The following NFRKB variants were observed in gnomAD, a reference collection of about 807,000 sequenced individuals.
The protein encoded by NFRKB is nuclear factor related to kappa-B-binding protein.
In NFRKB, 62 loss-of-function variants were observed where a neutral mutation model predicts 135.7. The observed-to-expected ratio is 0.46, with a 90% CI of 0.37 to 0.56. NFRKB has a LOEUF of 0.56. Ranked by LOEUF, NFRKB falls within the 20% of genes least tolerant of loss-of-function variation. The pLI, the probability that NFRKB is intolerant of heterozygous loss-of-function variation, is 0.00. For missense variants in NFRKB, 1,545 were observed against 1,662.0 expected, an observed-to-expected ratio of 0.93 and a Z score of 1.22; for synonymous variants, 678 against 635.6, an observed-to-expected ratio of 1.07 and a Z score of -1.00.
chr11:129,872,409 C>G (rs58193479), intron 23 of NFRKB, among the ~76,000 whole-genome samples: 1 of 152,302 alleles, frequency 6.6e-6, no homozygotes, highest in African/African-American at 2.4e-5. Context: ...GAAGATTAGA[C>G]TATTTAACAA....
intron 1 of NFRKB, among the ~76,000 whole-genome samples, chr11:129,894,873 A>G (rs532908495): frequency 6.6e-5 from 10 of 152,380 alleles, no homozygotes; most frequent in Admixed American, 1.3e-4. Flanking sequence ...TCAACTGCAA[A>G]GTCAGTGTCC....
chr11:129,893,140 G>C, intron 2 of NFRKB: 2 of 1,188,692 alleles, frequency 1.7e-6, no homozygotes, highest in Non-Finnish European at 2.2e-6. Flanking sequence ...TTTTACAGAT[G>C]AGTAAAATGA....
intron 23 of NFRKB, among the ~76,000 whole-genome samples, chr11:129,872,176 CATTT>C (rs1948542231): frequency 6.6e-6 from 1 of 152,196 alleles, no homozygotes; most frequent in South Asian, 2.1e-4. Flanking sequence ...ATTAGCATAG[CATTT>C]ATTACTATCT....
Position 129,872,885 on chromosome 11 carries a change from T to C in NFRKB, c.2762A>G (p.Gln921Arg), listed in dbSNP as rs1948581193. Residue 921 changes from glutamine (Q) to arginine (R), a missense_variant and splice_region_variant, in exon 23 of 27, where the codon CAG becomes CGG. By Grantham distance (43) the Gln-to-Arg change is conservative (BLOSUM62 1). Around this residue, in one of 3 missense-constraint regions of NFRKB, gnomAD observed 753 missense variants for 804.3 expected, o/e 0.94. Coordinates refer to ENST00000682444, the MANE Select transcript of NFRKB (RefSeq NM_001143835.2). ...CCACGTGGAAAGAGCCCCACCTACCTGCTTGATGATGTTCTGTCCTGTGAC... is the reference window on the plus strand; with the variant it reads ...CCACGTGGAAAGAGCCCCACCTACCCGCTTGATGATGTTCTGTCCTGTGAC... ...QNVTGQNIIK[Q>R]VAITGQLGVK... 1 of 1,593,792 alleles carries C rather than the reference T, an allele frequency of 6.3e-7. No homozygotes were observed. Among genetic ancestry groups the C allele is most frequent in the Non-Finnish European group, 8.6e-7 (1 of 1,164,894 alleles).
At chr11:129,889,951 C>CGTGTGTGTGTGTGTGTGTGT (rs56216860) in intron 3 of NFRKB, among the ~76,000 whole-genome samples, 142 of 135,342 alleles carry the variant, frequency 1.0e-3, no homozygotes, top group African/African-American at 3.8e-3. Flanking sequence ...TATTGTCTTA[C>CGTGTGTGTGTGTGTGTGTGT]GTGTGTGTGT....
chr11:129,874,674 G>GAA lies in NFRKB; in HGVS notation c.1979-96_1979-95dup. 1 of 1,601,760 alleles carries GAA rather than the reference G, an allele frequency of 6.2e-7. No individual in the cohort carries two copies. Among genetic ancestry groups the GAA allele is most frequent in the South Asian group, 1.1e-5 (1 of 89,858 alleles). On this transcript the variant is annotated intron_variant, in intron 19 of 26. Transcript: ENST00000682444. This position sits in a 1 kb window ranked among gnomAD's most constrained non-coding sequence, Gnocchi z 4.5. ...AAAACCAACACCTTGCCAGTGGACTGAATCCTGCCTCTACCATCTTGTCCT... is the reference window on the plus strand; with the variant it reads ...AAAACCAACACCTTGCCAGTGGACTGAAAATCCTGCCTCTACCATCTTGTCCT...
chr11:129,892,649 G>T (rs1949611186), intron 3 of NFRKB, 66 bp downstream of exon 3: 1 of 1,537,720 alleles, frequency 6.5e-7, no homozygotes, highest in Non-Finnish European at 9.0e-7. Flanking sequence ...GAGTGGAAAA[G>T]GTTTCCCACA....
At chr11:129,868,830 G>A (rs1048445448) in intron 24 of NFRKB, among the ~76,000 whole-genome samples, 10 of 152,104 alleles carry the variant, frequency 6.6e-5, no homozygotes, top group South Asian at 2.1e-4. Flanking sequence ...GGATTATCGC[G>A]ACCAGCATGG....
intron 9 of NFRKB, among the ~76,000 whole-genome samples, chr11:129,882,846 C>T (rs577643979): frequency 6.6e-5 from 10 of 152,098 alleles, no homozygotes; most frequent in Non-Finnish European, 1.0e-4. Context: ...TGCAGTGGTG[C>T]GATCATAGCT....
intron 23 of NFRKB, among the ~76,000 whole-genome samples, chr11:129,872,264 G>A (rs1948547416): frequency 6.6e-6 from 1 of 151,896 alleles, no homozygotes; most frequent in Non-Finnish European, 1.5e-5. Context: ...TCTGTTTAAT[G>A]TACCATTAAA....
In NFRKB at chr11:129,886,463, T is replaced by C. The variant is rs375752707; in HGVS notation, c.338-19A>G. The C allele has an allele frequency of 5.6e-6, 9 of 1,610,286 alleles. No individual in the cohort carries two copies. Among genetic ancestry groups the C allele is most frequent in the Non-Finnish European group, 6.8e-6 (8 of 1,177,468 alleles). ...TGTCCGTCTTAAAAAAATAAAGGTA[T>C]ATATATTTACATCAATCAACAAATA... On this transcript the variant is annotated intron_variant, in intron 4 of 26. Coordinates refer to ENST00000682444, the MANE Select transcript of NFRKB (RefSeq NM_001143835.2).
In NFRKB at chr11:129,878,632, A is replaced by G. The variant is rs563160395; in HGVS notation, c.1385-89T>C. 358 of 1,054,160 alleles carry G rather than the reference A, an allele frequency of 3.4e-4. No homozygotes were observed. The African/African-American group carries it at 4.9e-3, about 15-fold the overall frequency. 65.3% of individuals were successfully genotyped at this position (1,054,160 alleles called of 1,614,324 possible). A position where few individuals can be genotyped will look rare whatever the true frequency, so the allele number is the denominator to read the frequency against. On this transcript the variant is annotated intron_variant, in intron 13 of 26. Coordinates refer to ENST00000682444, the MANE Select transcript of NFRKB (RefSeq NM_001143835.2). ...TCTCTTTACTAGCTGTAACTACAAC[A>G]CAGAGAGATTCTATCAGGAGCTGTA...
chr11:129,875,241 A>T, intron 18 of NFRKB, 116 bp downstream of exon 18: 2 of 901,016 alleles, frequency 2.2e-6, no homozygotes, highest in Non-Finnish European at 3.4e-6. Context: ...GCATTTTTCA[A>T]GGTATGTTTT....
chr11:129,889,070 T>C (rs1407891460), intron 3 of NFRKB, among the ~76,000 whole-genome samples: 2 of 151,992 alleles, frequency 1.3e-5, no homozygotes, highest in Admixed American at 1.3e-4. Flanking sequence ...CAAGCGATTC[T>C]CCTACCTCAG....
chr11:129,884,288 G>A (rs1321177030), intron 7 of NFRKB, 145 bp from the exon 8 acceptor site: 5 of 795,718 alleles, frequency 6.3e-6, no homozygotes, highest in South Asian at 4.6e-5. Flanking sequence ...TCACAGGATC[G>A]ACACTTCCAC....
At chr11:129,883,940 G>T in intron 8 of NFRKB, 130 bp downstream of exon 8, 1 of 976,744 alleles carries the variant, frequency 1.0e-6, no homozygotes, top group Non-Finnish European at 1.6e-6. Flanking sequence ...AGCCTCGCCA[G>T]CTGCTCCTGT....
chr11:129,867,101 T>C (rs1378891303), intron 24 of NFRKB, among the ~76,000 whole-genome samples: 1 of 152,174 alleles, frequency 6.6e-6, no homozygotes, highest in Non-Finnish European at 1.5e-5. Flanking sequence ...CTTCAGGAAC[T>C]ACCAAAAAGC....
In NFRKB at chr11:129,873,828, G is replaced by C; in HGVS notation, c.2467C>G (p.Pro823Ala). 1 of 1,614,188 alleles carries C rather than the reference G, an allele frequency of 6.2e-7. No individual in the cohort carries two copies. The highest frequency in any genetic ancestry group is 8.5e-7 in the Non-Finnish European group (1 of 1,180,044). ...LPAVPQQSGG[P>A]AQTLPQMPAG... ...GGCATCTGTGGCAATGTCTGTGCCGGCCCTCCCGACTGCTGGGGAACAGCA... is the reference window on the plus strand; with the variant it reads ...GGCATCTGTGGCAATGTCTGTGCCGCCCCTCCCGACTGCTGGGGAACAGCA... The change falls in exon 22 of 27, where the codon CCG (proline) becomes GCG (alanine). Residue 823 changes from proline (P) to alanine (A), a missense_variant. Coordinates refer to ENST00000682444, the MANE Select transcript of NFRKB (RefSeq NM_001143835.2).
At chr11:129,890,271 T>G (rs967807858) in intron 3 of NFRKB, among the ~76,000 whole-genome samples, 5 of 152,120 alleles carry the variant, frequency 3.3e-5, no homozygotes, top group African/African-American at 1.2e-4. Flanking sequence ...TCAGTCCCAA[T>G]GCCCAGGATC....
Sources: allele counts gnomAD v4.1 joint callset (sites outside exome capture counted in the v4.1 genomes callset), GRCh38; gene constraint gnomAD v4.1.1; regional missense constraint gnomAD v4.1.1; non-coding constraint Gnocchi (gnomAD v3.1); transcripts MANE v1.5; gene names NCBI Gene and HGNC (gene_info 2026-07-23, HGNC 2026-07-21).